Variants in ARMC2 observed in about 807,000 individuals in gnomAD.
ARMC2 encodes armadillo repeat containing 2, also known as armadillo repeat-containing protein 2.
ARMC2 carries 67 observed loss-of-function variants against 90.3 expected under a neutral mutation model. The observed-to-expected ratio is 0.74, with a 90% confidence interval of 0.61 to 0.91. The LOEUF is 0.91. Ranked by LOEUF, ARMC2 falls within the 40% of genes least tolerant of loss-of-function variation. The probability of loss-of-function intolerance (pLI) is 0.00; values close to 1 mark genes in which losing one functional copy is unlikely to be tolerated. For missense variants in ARMC2, 920 were observed against 1,030.9 expected, an observed-to-expected ratio of 0.89 and a Z score of 1.47; for synonymous variants, 393 against 393.0, an observed-to-expected ratio of 1.00 and a Z score of 0.00.
intron 5 of ARMC2, among the ~76,000 whole-genome samples, chr6:108,892,375 A>G (rs1771157405): frequency 6.6e-6 from 1 of 152,012 alleles, no homozygotes; most frequent in Non-Finnish European, 1.5e-5. Flanking sequence ...TAAAGCAGTT[A>G]TTTCTGAATA....
intron 16 of ARMC2, 91 bp downstream of exon 16, chr6:108,964,403 GC>G (rs1778215487): frequency 7.0e-7 from 1 of 1,425,854 alleles, no homozygotes; most frequent in Non-Finnish European, 9.5e-7. Flanking sequence ...TTCCTGTGGG[GC>G]AAAGGTATTT....
At chr6:108,978,218 C>T (rs941936560), downstream of ARMC2, among the ~76,000 whole-genome samples, 1 of 152,168 alleles carries the variant, frequency 6.6e-6, no homozygotes, top group Admixed American at 6.5e-5. Context: ...TCATTGGTTT[C>T]AAAGAATGTC....
intron 6 of ARMC2, among the ~76,000 whole-genome samples, chr6:108,895,200 C>T (rs1771475168): frequency 6.6e-6 from 1 of 151,426 alleles, no homozygotes; most frequent in African/African-American, 2.4e-5. Flanking sequence ...TGGTGGCTCA[C>T]GCCTGTAATC....
the ARMC2 span, chr6:108,999,037 T>C: frequency 4.4e-6 from 1 of 229,520 alleles, no homozygotes; most frequent in South Asian, 7.7e-5. Context: ...GTGGCTGCTG[T>C]ATTTCAGATG....
At chr6:109,001,370 T>G in the ARMC2 span, 1 of 1,613,894 alleles carries the variant, frequency 6.2e-7, no homozygotes, top group African/African-American at 1.3e-5. Flanking sequence ...TAAGAAACTT[T>G]CTAAATATTG....
rs1443422934 is a variant in ARMC2, at chr6:108,862,547, G to T, written c.291+4276G>T. Among the ~76,000 whole-genome samples the T allele has an allele frequency of 2.0e-5, 3 of 152,122 alleles. No individual in the cohort carries two copies. The East Asian group carries it at 5.8e-4, about 29-fold the overall frequency. ...CCCCCAGTCAAAAAATTCTGAAAAT[G>T]TCCCCATGCTACCTGACCTTCCACC... On this transcript the variant is annotated intron_variant, in intron 3 of 17. Coordinates refer to ENST00000392644, the MANE Select transcript of ARMC2 (RefSeq NM_032131.6).
the ARMC2 span, among the ~76,000 whole-genome samples, chr6:109,007,069 C>A: frequency 1.3e-5 from 2 of 152,178 alleles, no homozygotes; most frequent in South Asian, 4.1e-4. Flanking sequence ...TGAGAACAAT[C>A]TTTTCCCCTC....
chr6:108,925,415 A>G (rs1217321217), intron 10 of ARMC2, among the ~76,000 whole-genome samples: 1 of 152,212 alleles, frequency 6.6e-6, no homozygotes, highest in African/African-American at 2.4e-5. Flanking sequence ...TGGATGTACA[A>G]TGGTGAAAAG....
At chr6:109,023,608 C>T in the ARMC2 span, among the ~76,000 whole-genome samples, 2 of 152,142 alleles carry the variant, frequency 1.3e-5, no homozygotes, top group African/African-American at 4.8e-5. Context: ...TGTTTGGGGA[C>T]ATATGTTTAT....
At chr6:108,899,637 G>A in intron 6 of ARMC2, 57 bp from the exon 7 acceptor site, 1 of 1,308,654 alleles carries the variant, frequency 7.6e-7, no homozygotes, top group Non-Finnish European at 1.1e-6. Context: ...TTTTGACCAT[G>A]CTTCATGACA....
At chr6:109,018,435 G>A in the ARMC2 span, among the ~76,000 whole-genome samples, 1 of 152,316 alleles carries the variant, frequency 6.6e-6, no homozygotes, top group East Asian at 1.9e-4. Context: ...TACATCAGCT[G>A]AAGTAAAACT....
At chr6:108,981,757 T>C in the ARMC2 span, among the ~76,000 whole-genome samples, 1 of 152,188 alleles carries the variant, frequency 6.6e-6, no homozygotes, top group Admixed American at 6.5e-5. Flanking sequence ...AACCTCCGCT[T>C]CCCGGGTTCA....
At chr6:108,937,846 C>T (rs931963305) in intron 12 of ARMC2, among the ~76,000 whole-genome samples, 7 of 152,102 alleles carry the variant, frequency 4.6e-5, no homozygotes, top group Non-Finnish European at 7.4e-5. Context: ...AGGCGTGCCA[C>T]CACACCTGGC....
the ARMC2 span, among the ~76,000 whole-genome samples, chr6:109,052,912 G>A: frequency 1.3e-5 from 2 of 152,166 alleles, no homozygotes; most frequent in Admixed American, 6.5e-5. Flanking sequence ...ACCCCGTAGA[G>A]CTTATAATCT....
the ARMC2 span, among the ~76,000 whole-genome samples, chr6:109,037,435 C>T: frequency 2.6e-5 from 4 of 152,070 alleles, no homozygotes; most frequent in Non-Finnish European, 4.4e-5. Context: ...CCTTAATTCA[C>T]GGGGATGATT....
chr6:108,967,738 T>TTC (rs149891629), intron 17 of ARMC2, among the ~76,000 whole-genome samples: 2,735 of 152,328 alleles, frequency 0.018, 95 homozygotes, highest in African/African-American at 0.063. Flanking sequence ...GTTTCAAATA[T>TTC]TCTGTCTGTG....
chr6:108,987,352 T>C, the ARMC2 span: 5 of 486,478 alleles, frequency 1.0e-5, no homozygotes, highest in South Asian at 3.9e-5. Flanking sequence ...AGCTCTAAAC[T>C]TGAAGCTGCC....
chr6:108,931,723 A>G (rs1386227876), intron 11 of ARMC2, among the ~76,000 whole-genome samples: 1 of 148,708 alleles, frequency 6.7e-6, no homozygotes. Context: ...TATTGGCCAC[A>G]TGTGTGTCTT....
At chr6:109,035,438 G>T in the ARMC2 span, among the ~76,000 whole-genome samples, 1 of 152,000 alleles carries the variant, frequency 6.6e-6, no homozygotes, top group African/African-American at 2.4e-5. Context: ...AAGGTCGGGA[G>T]AAAGCTGACA....
Sources: gnomAD v4.1 joint callset for allele counts (sites outside exome capture counted in the v4.1 genomes callset) on GRCh38, gnomAD v4.1.1 for gene constraint, MANE v1.5 for transcripts, NCBI Gene and HGNC (gene_info 2026-07-23, HGNC 2026-07-21) for gene names.